Variants in AKR1C2 observed in about 807,000 individuals in gnomAD.
AKR1C2 encodes 3-alpha-HSD3.
In AKR1C2, 27 loss-of-function variants were observed where a neutral mutation model predicts 39.8. That is an observed-to-expected ratio of 0.68 (90% CI 0.50 to 0.93). The LOEUF (loss-of-function observed/expected upper bound fraction) is 0.93. Among genes scored for constraint, AKR1C2 ranks in the 40% least tolerant of loss-of-function variants. The pLI is 0.00. For missense variants in AKR1C2, 263 were observed against 365.1 expected (o/e 0.72, Z 2.28); for synonymous variants, 114 against 137.9 (o/e 0.83, Z 1.22).
Position 4,993,050 on chromosome 10 carries a change from T to C in AKR1C2, c.847-1137A>G, listed in dbSNP as rs74680149. On this transcript the variant is annotated intron_variant, in intron 7 of 8. Coordinates refer to ENST00000380753, the MANE Select transcript of AKR1C2 (RefSeq NM_001393392.1). ...TAGTGGGATATTCATATTATGATCA[T>C]GGACTGGAAATCTCAATATTGTCAA... Among the ~76,000 whole-genome samples, 928 of 152,324 alleles carry C rather than the reference T, an allele frequency of 6.1e-3. 13 individuals are homozygous for C. The highest frequency in any genetic ancestry group is 0.021 in the African/African-American group (866 of 41,572).
chr10:5,001,370 T>G, intron 2 of AKR1C2, 144 bp downstream of exon 2: 1 of 1,402,988 alleles, frequency 7.1e-7, no homozygotes, highest in South Asian at 1.5e-5. Context: ...GCCTTTGATA[T>G]TAGTTTTAAT....
chr10:5,008,434 T>C (rs1467686933), upstream of AKR1C2, among the ~76,000 whole-genome samples: 1 of 151,936 alleles, frequency 6.6e-6, no homozygotes, highest in African/African-American at 2.4e-5. Context: ...AGTGACCAAG[T>C]GTGTGTCATG....
At chr10:5,009,531 A>C (rs2226258) in intron 1 of AKR1C2, among the ~76,000 whole-genome samples, 126,381 of 150,902 alleles carry the variant, frequency 0.84, 53,102 homozygotes, top group African/African-American at 0.88. Context: ...GTGAGAAAAA[A>C]CTATTTCTGA....
At chr10:5,014,747 C>A (rs1442131035) in intron 1 of AKR1C2, among the ~76,000 whole-genome samples, 1 of 152,230 alleles carries the variant, frequency 6.6e-6, no homozygotes, top group African/African-American at 2.4e-5. Flanking sequence ...TGTCTAACAG[C>A]TGTTTCCCTT....
At chr10:5,002,660 C>G (rs1415775441) in intron 1 of AKR1C2, among the ~76,000 whole-genome samples, 1 of 152,130 alleles carries the variant, frequency 6.6e-6, no homozygotes, top group Non-Finnish European at 1.5e-5. Context: ...GACAGTATAT[C>G]TTTTAAATGA....
upstream of AKR1C2, chr10:5,005,984 A>G (rs1163938361): frequency 6.6e-6 from 1 of 152,264 alleles, no homozygotes; most frequent in African/African-American, 2.4e-5. Context: ...GAGTGTTTCA[A>G]TAGCAAATTT....
chr10:4,991,610 C>T (rs552364007), intron 8 of AKR1C2, among the ~76,000 whole-genome samples: 139 of 151,148 alleles, frequency 9.2e-4, no homozygotes, highest in African/African-American at 3.2e-3. Context: ...CTTGGAGTCA[C>T]GAGAGCAGAG....
chr10:5,003,072 T>C (rs1305456140), intron 1 of AKR1C2, among the ~76,000 whole-genome samples: 27 of 152,164 alleles, frequency 1.8e-4, no homozygotes, highest in African/African-American at 6.5e-4. Context: ...TATTTCTAAA[T>C]CTAGAAAATA....
chr10:5,002,154 G>A (rs148747880), intron 1 of AKR1C2, among the ~76,000 whole-genome samples: 162 of 152,322 alleles, frequency 1.1e-3, no homozygotes, highest in African/African-American at 3.6e-3. Flanking sequence ...GTGAACTGTT[G>A]TCTACAAGAG....
chr10:5,008,593 A>T (rs1419855160), upstream of AKR1C2, among the ~76,000 whole-genome samples: 3 of 152,326 alleles, frequency 2.0e-5, no homozygotes, highest in Admixed American at 6.5e-5. Flanking sequence ...AGGAATTCTC[A>T]GTCCTATAGG....
intron 7 of AKR1C2, among the ~76,000 whole-genome samples, chr10:4,994,265 A>G (rs1397435877): frequency 2.0e-4 from 1 of 5,044 alleles, no homozygotes; most frequent in Non-Finnish European, 1.8e-3. Flanking sequence ...ATGAAATAAT[A>G]TATCTATATA....
intron 8 of AKR1C2, among the ~76,000 whole-genome samples, chr10:4,991,253 C>T (rs1389059991): frequency 6.6e-6 from 1 of 151,568 alleles, no homozygotes; most frequent in African/African-American, 2.4e-5. Context: ...TCCACTAAGA[C>T]AGACTTTCTG....
chr10:5,002,718 A>G (rs1232353606), intron 1 of AKR1C2, among the ~76,000 whole-genome samples: 2 of 152,144 alleles, frequency 1.3e-5, no homozygotes, highest in African/African-American at 4.8e-5. Context: ...AAAGTATTTC[A>G]GAGGCTTTTT....
chr10:5,001,978 G>A (rs1837287931), intron 1 of AKR1C2, among the ~76,000 whole-genome samples: 1 of 152,156 alleles, frequency 6.6e-6, no homozygotes, highest in Non-Finnish European at 1.5e-5. Context: ...CGCAACTATA[G>A]TTACAGACAT....
At chr10:5,000,201 C>T (rs1837213105) in intron 3 of AKR1C2, 1 of 1,418,276 alleles carries the variant, frequency 7.1e-7, no homozygotes, top group East Asian at 2.6e-5. Flanking sequence ...GTTTTCTGGA[C>T]ACCACAGCTT....
rs377514530 is a variant in AKR1C2, at chr10:4,990,029, G to A, written c.939C>T (p.Gly313=). The change falls in exon 9 of 9, where the codon GGC becomes GGT. Residue 313 remains glycine, a synonymous_variant. Transcript: ENST00000380753. The part of the protein sequence containing the change: ...VRYLTLDIFA[G]PPNYPFSDEY ...CATCAGAAAATGGATAATTAGGGGG[G>A]CCAGCAAAACTGGAAAGAGAAAAAA... 6.0e-5 allele frequency: 96 copies of A among 1,602,088 alleles called. No individual in the cohort carries two copies. The highest frequency in any genetic ancestry group is 7.9e-5 in the Non-Finnish European group (93 of 1,176,798).
In AKR1C2 at chr10:4,989,733, G is replaced by A. The variant is rs1429568638; in HGVS notation, c.*263C>T. On this transcript the variant is annotated 3_prime_UTR_variant, in exon 9 of 9. Transcript: ENST00000380753. ...AATCACAATTTGGGGGCACTAGTGT[G>A]TCAGAAGGAGAGAAAACATAGAAGT... The A allele has an allele frequency of 7.4e-6, 4 of 541,562 alleles. No individual in the cohort carries two copies. Among genetic ancestry groups the A allele is most frequent in the Non-Finnish European group, 1.3e-5 (4 of 308,482 alleles). The allele number at this position is 541,562 out of a possible 1,614,324, so 33.5% of individuals were successfully genotyped here.
intron 3 of AKR1C2, chr10:5,000,306 A>C: frequency 6.7e-7 from 1 of 1,491,048 alleles, no homozygotes; most frequent in Non-Finnish European, 8.9e-7. Context: ...CATTTCCTCA[A>C]GTTTTTGAGG....
Position 5,000,439 on chromosome 10 carries a change from A to G in AKR1C2, c.369+111T>C, listed in dbSNP as rs141880056. 2.5e-6 allele frequency: 4 copies of G among 1,600,046 alleles called. No homozygotes were observed. In the East Asian group the frequency reaches 6.8e-5, roughly 27 times the overall value. ...GAGTTATGTTTAGGGCTCTTCTTCC[A>G]TGTTAAAATCCCTATGTCCTCCTAA... On this transcript the variant is annotated intron_variant, in intron 3 of 8. Transcript: ENST00000380753.
Sources: allele counts gnomAD v4.1 joint callset (sites outside exome capture counted in the v4.1 genomes callset), GRCh38; gene constraint gnomAD v4.1.1; transcripts MANE v1.5; gene names NCBI Gene and HGNC (gene_info 2026-07-23, HGNC 2026-07-21).